Variants in DCAF5 observed in about 807,000 individuals in gnomAD.
DCAF5 encodes the protein DDB1 and CUL4 associated factor 5, also known as DDB1- and CUL4-associated factor 5.
DCAF5 carries 9 observed loss-of-function variants against 80.7 expected under a neutral mutation model. The ratio of observed to expected loss-of-function variants is 0.11; its 90% CI spans 0.07 to 0.19. The LOEUF (loss-of-function observed/expected upper bound fraction) is 0.19, where lower values mean the gene tolerates loss of function less well. DCAF5 is among the 10% of genes least tolerant of loss of function. The pLI, the probability that DCAF5 is intolerant of heterozygous loss-of-function variation, is 1.00. For synonymous variants in DCAF5, 433 were observed against 461.9 expected (o/e 0.94, Z 0.80); for missense variants, 842 against 1,205.7 (o/e 0.70, Z 4.47).
Position 69,054,758 on chromosome 14 carries a change from T to G in DCAF5, c.1928A>C (p.Gln643Pro). Residue 643 changes from glutamine (Q) to proline (P), a missense_variant, in exon 9 of 9, where the codon CAA (glutamine) becomes CCA (proline). Physicochemically the swap from Gln to Pro is moderately conservative, Grantham distance 76. Coordinates refer to ENST00000341516, the MANE Select transcript of DCAF5 (RefSeq NM_003861.3). Reference protein sequence around the residue: ...PERSTSTLEIQPSRASPTSDI... With the variant: ...PERSTSTLEIPPSRASPTSDI... ...AGAAGTTGGTGATGCCCGGCTTGGT[T>G]GAATCTCTAGCGTGGAAGTGCTCCG... The G allele has an allele frequency of 6.2e-7, 1 of 1,614,248 alleles. No homozygotes were observed. The highest frequency in any genetic ancestry group is 8.5e-7 in the Non-Finnish European group (1 of 1,180,042).
intron 1 of DCAF5, among the ~76,000 whole-genome samples, chr14:69,141,105 G>A (rs1166632919): frequency 7.4e-6 from 1 of 134,856 alleles, no homozygotes; most frequent in Non-Finnish European, 1.5e-5. Flanking sequence ...CTGCACTCCA[G>A]CCTGGGCCAC....
rs1318760367 is a variant in DCAF5 at position 69,091,610 on chromosome 14, G to A, written c.879+64C>T. On this transcript the variant is annotated intron_variant, in intron 6 of 8. Transcript: ENST00000341516. ...TAATGGTAATGAGAAATAAAGACCAGTATAGAAAGAACAATCAGAAAGAAA... is the reference window on the plus strand; with the variant it reads ...TAATGGTAATGAGAAATAAAGACCAATATAGAAAGAACAATCAGAAAGAAA... The A allele has an allele frequency of 2.8e-5, 40 of 1,424,172 alleles. No homozygotes were observed. In the Admixed American group the frequency reaches 6.9e-4, roughly 25 times the overall value. 88.2% of individuals were successfully genotyped at this position (1,424,172 alleles called of 1,614,324 possible).
At chr14:69,084,353 A>G in intron 6 of DCAF5, 2 of 940,150 alleles carry the variant, frequency 2.1e-6, no homozygotes, top group Non-Finnish European at 3.5e-6. Context: ...TATGTATAAA[A>G]ATCTGCAGTG....
At chr14:69,148,512 T>C (rs1373768101) in intron 1 of DCAF5, among the ~76,000 whole-genome samples, 2 of 152,098 alleles carry the variant, frequency 1.3e-5, no homozygotes, top group Non-Finnish European at 2.9e-5. Context: ...CTGGCCAACA[T>C]GGTGAAACCC....
Position 69,055,364 on chromosome 14 carries a change from C to T in DCAF5, c.1322G>A (p.Ser441Asn). 1 of 1,614,176 alleles carries T rather than the reference C, an allele frequency of 6.2e-7. No homozygotes were observed. Among genetic ancestry groups the T allele is most frequent in the Non-Finnish European group, 8.5e-7 (1 of 1,180,040 alleles). The change falls in exon 9 of 9, where the codon AGT (serine) becomes AAT (asparagine). Residue 441 changes from serine (S) to asparagine (N), a missense_variant. Physicochemically the swap from Ser to Asn is conservative, Grantham distance 46 (BLOSUM62 1). Coordinates refer to ENST00000341516, the MANE Select transcript of DCAF5 (RefSeq NM_003861.3). The surrounding 1 kb of genome is among the most constrained non-coding windows in gnomAD (Gnocchi z 5.6). ...CCCAGCGTGCAGTTGGAGGATAGTA[C>T]TCTCACTGAGGTCACTGTCTGAGTC... ...SSDSDSDLSE[S>N]TILQLHAGVS...
At position 69,118,148 on chromosome 14, in the gene DCAF5, G is replaced by A. The variant is rs747834181; in HGVS notation, c.526C>T (p.Pro176Ser). The change falls in exon 4 of 9, where the codon CCC (proline) becomes TCC (serine). Residue 176 changes from proline (P) to serine (S), a missense_variant. Around this residue, in one of 5 missense-constraint regions of DCAF5, gnomAD observed 142 missense variants for 311.9 expected, o/e 0.46. Coordinates refer to ENST00000341516, the MANE Select transcript of DCAF5 (RefSeq NM_003861.3). The surrounding 1 kb of genome is among the most constrained non-coding windows in gnomAD (Gnocchi z 4.0). Reference sequence around the variant, plus strand: ...TGCACAGTGAGCCTACCTCCATGGGGGGATTCCCGAATGTCCCAAATGAGA... The same window carrying A: ...TGCACAGTGAGCCTACCTCCATGGGAGGATTCCCGAATGTCCCAAATGAGA... ...RVLIWDIRES[P>S]HGEPFCLANY... The A allele has an allele frequency of 8.1e-6, 13 of 1,613,768 alleles. 1 individual carries two copies. In the South Asian group the frequency reaches 1.3e-4, roughly 16 times the overall value.
intron 5 of DCAF5, among the ~76,000 whole-genome samples, chr14:69,112,350 T>C (rs1198363465): frequency 6.6e-6 from 1 of 152,036 alleles, no homozygotes; most frequent in Non-Finnish European, 1.5e-5. Flanking sequence ...AGGTCCATAT[T>C]GGAAAAATTT....
chr14:69,116,221 C>T, intron 5 of DCAF5, 145 bp downstream of exon 5: 1 of 970,602 alleles, frequency 1.0e-6, no homozygotes, highest in South Asian at 2.0e-5. Context: ...ACAAGCTCTC[C>T]TGGCTTGAGA....
At chr14:69,096,470 G>A (rs2039719062) in intron 5 of DCAF5, among the ~76,000 whole-genome samples, 1 of 152,178 alleles carries the variant, frequency 6.6e-6, no homozygotes, top group Admixed American at 6.5e-5. Context: ...AGAAAGGCTT[G>A]ACTAAATTTC....
intron 7 of DCAF5, among the ~76,000 whole-genome samples, chr14:69,063,853 A>G (rs1403514377): frequency 1.1e-4 from 16 of 152,224 alleles, no homozygotes; most frequent in Admixed American, 1.0e-3. Flanking sequence ...AGCCAGCTTT[A>G]GGTGCTCAAT....
Position 69,118,543 on chromosome 14 carries a change from T to C in DCAF5, c.396-265A>G, listed in dbSNP as rs1303120370. On this transcript the variant is annotated intron_variant, in intron 3 of 8. Transcript: ENST00000341516. This position sits in a 1 kb window ranked among gnomAD's most constrained non-coding sequence, Gnocchi z 4.0. ...AAAGTGACTCAATAGCTGAGTTTTG[T>C]ATTTTCATTTATTACAGAATGCATC... Among the ~76,000 whole-genome samples the C allele has an allele frequency of 6.6e-6, 1 of 152,218 alleles. No individual in the cohort carries two copies. Among genetic ancestry groups the C allele is most frequent in the Non-Finnish European group, 1.5e-5 (1 of 68,038 alleles).
intron 5 of DCAF5, among the ~76,000 whole-genome samples, chr14:69,109,893 C>T (rs2040295621): frequency 6.6e-6 from 1 of 152,186 alleles, no homozygotes; most frequent in East Asian, 1.9e-4. Context: ...TAGATACTGA[C>T]AAATAGATTT....
chr14:69,055,290 G>A lies in DCAF5; in HGVS notation c.1396C>T (p.Pro466Ser). 6.2e-7 allele frequency: 1 copy of A among 1,614,196 alleles called. No individual in the cohort carries two copies. Among genetic ancestry groups the A allele is most frequent in the Non-Finnish European group, 8.5e-7 (1 of 1,180,030 alleles). Residue 466 changes from proline (P) to serine (S), a missense_variant, in exon 9 of 9, where the codon CCT (proline) becomes TCT (serine). Physicochemically the swap from Pro to Ser is moderately conservative, Grantham distance 74. Transcript: ENST00000341516. The surrounding 1 kb of genome is among the most constrained non-coding windows in gnomAD (Gnocchi z 5.6). ...YTDSESSASLPRSPPPTVDES... is the reference protein window; with the variant it reads ...YTDSESSASLSRSPPPTVDES... ...TCTACTGTGGGAGGCGGGGAGCGAG[G>A]CAATGAGGCCGAAGACTCTGAGTCA...
At chr14:69,139,185 G>C (rs966791823) in intron 1 of DCAF5, among the ~76,000 whole-genome samples, 1 of 151,272 alleles carries the variant, frequency 6.6e-6, no homozygotes, top group African/African-American at 2.4e-5. Context: ...AGAGAAAGAA[G>C]AAAAAAAGAA....
chr14:69,135,978 G>A (rs1038714954), intron 1 of DCAF5, among the ~76,000 whole-genome samples: 1 of 152,090 alleles, frequency 6.6e-6, no homozygotes, highest in African/African-American at 2.4e-5. Flanking sequence ...GAAATTATTC[G>A]ATATGGTTTT....
intron 5 of DCAF5, among the ~76,000 whole-genome samples, chr14:69,110,876 CAAAAAAAAAAAAAA>C (rs35812611): frequency 5.1e-4 from 23 of 45,532 alleles, no homozygotes; most frequent in African/African-American, 2.1e-3. Context: ...GACCCTGTCT[CAAAAAAAAAAAAAA>C]AAAAAAAAAA....
chr14:69,082,586 A>G (rs2039152016), intron 6 of DCAF5, among the ~76,000 whole-genome samples: 1 of 152,184 alleles, frequency 6.6e-6, no homozygotes, highest in African/African-American at 2.4e-5. Flanking sequence ...TTAAAGATGA[A>G]TCTTTATTTG....
At chr14:69,124,655 A>G (rs2040823621) in intron 1 of DCAF5, among the ~76,000 whole-genome samples, 1 of 152,216 alleles carries the variant, frequency 6.6e-6, no homozygotes, top group African/African-American at 2.4e-5. Flanking sequence ...TTACAAATTT[A>G]CCATTCTGTA....
chr14:69,119,292 AT>A, intron 2 of DCAF5, 62 bp from the exon 3 acceptor site: 1 of 1,551,894 alleles, frequency 6.4e-7, no homozygotes, highest in Non-Finnish European at 8.8e-7. Flanking sequence ...CCACATTACA[AT>A]TTAGTATTTT....
Sources: allele counts gnomAD v4.1 joint callset (sites outside exome capture counted in the v4.1 genomes callset), GRCh38; gene constraint gnomAD v4.1.1; regional missense constraint gnomAD v4.1.1; non-coding constraint Gnocchi (gnomAD v3.1); transcripts MANE v1.5; gene names NCBI Gene and HGNC (gene_info 2026-07-23, HGNC 2026-07-21).